CELA1: variants seen among roughly 807,000 people sequenced by gnomAD.
CELA1 encodes chymotrypsin-like elastase family member 1.
CELA1 carries 28 observed loss-of-function variants against 34.8 expected under a neutral mutation model. The observed-to-expected ratio is 0.80, with a 90% confidence interval of 0.60 to 1.10. The LOEUF is 1.10. Among genes scored for constraint, CELA1 ranks in the 50% least tolerant of loss-of-function variants. The pLI is 0.00. For missense variants in CELA1, 288 were observed against 327.5 expected (o/e 0.88, Z 0.93); for synonymous variants, 140 against 129.8 (o/e 1.08, Z -0.53).
chr12:51,335,545 C>T (rs1946495653), intron 6 of CELA1, among the ~76,000 whole-genome samples: 2 of 151,970 alleles, frequency 1.3e-5, no homozygotes, highest in South Asian at 2.1e-4. Context: ...GGAGCCACCG[C>T]GCCCGGCCAA....
chr12:51,329,331 C>T (rs976411482), intron 7 of CELA1, among the ~76,000 whole-genome samples: 7 of 151,810 alleles, frequency 4.6e-5, no homozygotes, highest in Non-Finnish European at 1.0e-4. Flanking sequence ...GAAGTCGGTG[C>T]CTCCTTCCCT....
At chr12:51,342,489 C>T in intron 4 of CELA1, 86 bp downstream of exon 4, 2 of 1,587,402 alleles carry the variant, frequency 1.3e-6, no homozygotes, top group Non-Finnish European at 1.7e-6. Flanking sequence ...TCCCTCTAGC[C>T]CTCTGAAAGA....
chr12:51,328,816 G>A (rs1194379293), intron 7 of CELA1, among the ~76,000 whole-genome samples: 1 of 152,180 alleles, frequency 6.6e-6, no homozygotes, highest in African/African-American at 2.4e-5. Context: ...TGAAATGGCC[G>A]TGAGCCAAGA....
At chr12:51,331,794 G>A (rs1434968754) in intron 6 of CELA1, among the ~76,000 whole-genome samples, 1 of 152,212 alleles carries the variant, frequency 6.6e-6, no homozygotes, top group Non-Finnish European at 1.5e-5. Context: ...ACAAATTAGT[G>A]GAGTGTGTGG....
intron 6 of CELA1, among the ~76,000 whole-genome samples, chr12:51,338,704 G>A (rs1946515100): frequency 6.6e-6 from 1 of 152,216 alleles, no homozygotes; most frequent in African/African-American, 2.4e-5. Context: ...TCTATTGTAT[G>A]TCTGTGCCTC....
At chr12:51,341,198 C>G (rs1184553366) in intron 5 of CELA1, 46 bp downstream of exon 5, 4 of 1,610,088 alleles carry the variant, frequency 2.5e-6, no homozygotes, top group Admixed American at 1.7e-5. Flanking sequence ...GCTCAGCTAC[C>G]TAATCAAGAT....
chr12:51,328,802 A>C (rs527615022), intron 7 of CELA1, among the ~76,000 whole-genome samples: 1 of 152,298 alleles, frequency 6.6e-6, no homozygotes, highest in South Asian at 2.1e-4. Flanking sequence ...GCAAAGACAG[A>C]CCTTGAAATG....
chr12:51,336,379 C>T lies in CELA1; in HGVS notation c.609+3481G>A, dbSNP rs564187321. Among the ~76,000 whole-genome samples the T allele has an allele frequency of 4.3e-4, 65 of 152,300 alleles. 1 individual carries two copies. The highest frequency in any genetic ancestry group is 1.5e-3 in the African/African-American group (62 of 41,570). On this transcript the variant is annotated intron_variant, in intron 6 of 7. Transcript: ENST00000293636. ...AATTTCTTGGCCAGGCGTGGTGGCTCATGCCTGTAATCCCAGCACTTTGGG... is the reference window on the plus strand; with the variant it reads ...AATTTCTTGGCCAGGCGTGGTGGCTTATGCCTGTAATCCCAGCACTTTGGG...
rs17860361 is a variant in CELA1, at chr12:51,329,897, C to G, written c.610-64G>C. On this transcript the variant is annotated intron_variant, in intron 6 of 7. Transcript: ENST00000293636. ...TTCGGGCTTTTGCTTGCACTCCCCC[C>G]GCCCCCGTCTCTGGTTGTGAAATTC... 23 of 1,449,384 alleles carry G rather than the reference C, an allele frequency of 1.6e-5. No individual in the cohort carries two copies. The African/African-American group carries it at 2.4e-4, about 15-fold the overall frequency. The allele number at this position is 1,449,384 out of a possible 1,614,324, so 89.8% of individuals were successfully genotyped here. A position where few individuals can be genotyped will look rare whatever the true frequency, so the allele number is the denominator to read the frequency against.
rs1216525817 is a variant in CELA1 at position 51,343,741 on chromosome 12, TG to T, written c.200+11del. The stretch of plus-strand genomic sequence containing the variant: ...CCAGGGGCCCAGGAAAGCTTGTCTT[TG>T]TTTTTCTTACTAATCCACGCAGTGA... On this transcript the variant is annotated intron_variant, in intron 3 of 7. Transcript: ENST00000293636. The T allele has an allele frequency of 1.3e-6, 2 of 1,518,486 alleles. No individual in the cohort carries two copies. The highest frequency in any genetic ancestry group is 1.7e-5 in the Admixed American group (1 of 59,668). 94.1% of individuals were successfully genotyped at this position (1,518,486 alleles called of 1,614,324 possible).
chr12:51,334,420 C>CA (rs879666723), intron 6 of CELA1, among the ~76,000 whole-genome samples: 68 of 152,066 alleles, frequency 4.5e-4, no homozygotes, highest in Non-Finnish European at 7.4e-4. Context: ...CTCATACACA[C>CA]AAAAAACTTT....
chr12:51,342,786 T>C, intron 3 of CELA1, 86 bp from the exon 4 acceptor site: 1 of 1,430,164 alleles, frequency 7.0e-7, no homozygotes, highest in Non-Finnish European at 9.3e-7. Flanking sequence ...AAACCATCTT[T>C]TTTTTTAATC....
chr12:51,331,128 A>C (rs1946467387), intron 6 of CELA1, among the ~76,000 whole-genome samples: 1 of 146,528 alleles, frequency 6.8e-6, no homozygotes, highest in East Asian at 2.1e-4. Context: ...GTGGCTCCAC[A>C]CCTGTAATCC....
intron 2 of CELA1, among the ~76,000 whole-genome samples, chr12:51,344,852 C>T (rs977358259): frequency 3.9e-5 from 6 of 151,998 alleles, no homozygotes; most frequent in Non-Finnish European, 8.8e-5. Flanking sequence ...AGGCCAGGCG[C>T]TGTGGCTCAT....
rs564019429 is a variant in CELA1 at position 51,339,948 on chromosome 12, G to A, written c.521C>T (p.Ala174Val). The A allele has an allele frequency of 1.1e-5, 17 of 1,614,140 alleles. No homozygotes were observed. Among genetic ancestry groups the A allele is most frequent in the Admixed American group, 3.3e-5 (2 of 60,020 alleles). ...QQAYLPSVDY[A>V]ICSSSSYWGS... is the part of the protein sequence containing the mutation. ...CCAGTAGGAGGAGCTGGAGCAGATG[G>A]CGTAGTCCACAGAGGGCAGGTAAGC... The change falls in exon 6 of 8, where the codon GCC (alanine) becomes GTC (valine). Residue 174 changes from alanine (A) to valine (V), a missense_variant. Physicochemically the swap from Ala to Val is moderately conservative, Grantham distance 64. Coordinates refer to ENST00000293636, the MANE Select transcript of CELA1 (RefSeq NM_001971.6).
At chr12:51,337,528 C>A (rs1272045137) in intron 6 of CELA1, among the ~76,000 whole-genome samples, 6 of 89,436 alleles carry the variant, frequency 6.7e-5, no homozygotes, top group African/African-American at 2.3e-4. Context: ...CAGAGCAAGA[C>A]CTTATCTCTT....
At chr12:51,335,784 A>C (rs1946497179) in intron 6 of CELA1, among the ~76,000 whole-genome samples, 1 of 151,758 alleles carries the variant, frequency 6.6e-6, no homozygotes. Context: ...TTACAGGTGC[A>C]CGCCACCACA....
chr12:51,343,808 C>CACAG lies in CELA1; in HGVS notation c.141_144dup (p.Gly49LeufsTer32), dbSNP rs769192395. The CACAG allele has an allele frequency of 6.2e-7, 1 of 1,611,254 alleles. No homozygotes were observed. The highest frequency in any genetic ancestry group is 1.1e-5 in the South Asian group (1 of 90,838). On this transcript the variant is annotated frameshift_variant, in exon 3 of 8. Transcript: ENST00000293636. LOFTEE classifies it high-confidence loss of function. ...CAGTTCTGTCTGATAAGGGTCCCTC[C>CACAG]ACAGGTGTGATACCGGGAACCTCCA...
chr12:51,331,066 A>T (rs1946466698), intron 6 of CELA1, among the ~76,000 whole-genome samples: 1 of 151,914 alleles, frequency 6.6e-6, no homozygotes. Flanking sequence ...AACCAAGACT[A>T]TGCAGGGAGA....
Sources: allele counts gnomAD v4.1 joint callset (sites outside exome capture counted in the v4.1 genomes callset), GRCh38; gene constraint gnomAD v4.1.1; transcripts MANE v1.5; gene names NCBI Gene and HGNC (gene_info 2026-07-23, HGNC 2026-07-21).